SMYD3: variants seen among roughly 807,000 people sequenced by gnomAD.
The protein encoded by SMYD3 is histone-lysine N-methyltransferase SMYD3.
A neutral mutation model predicts 57.7 loss-of-function variants in SMYD3; 36 were observed. That is an observed-to-expected ratio of 0.62 (90% CI 0.48 to 0.82). SMYD3 has a LOEUF of 0.82. SMYD3 is among the 40% of genes least tolerant of loss of function. SMYD3 has a pLI of 0.00. For synonymous variants in SMYD3, 211 were observed against 195.0 expected (o/e 1.08, Z -0.68); for missense variants, 515 against 538.8 (o/e 0.96, Z 0.44).
chr1:246,101,953 T>A (rs559327421), intron 5 of SMYD3, among the ~76,000 whole-genome samples: 1 of 152,222 alleles, frequency 6.6e-6, no homozygotes, highest in African/African-American at 2.4e-5. Flanking sequence ...CCTACGTAAA[T>A]ACCTCCATTA....
At chr1:245,798,429 C>CAGAAAT (rs2047677889) in intron 10 of SMYD3, among the ~76,000 whole-genome samples, 1 of 100,482 alleles carries the variant, frequency 1.0e-5, no homozygotes, top group Non-Finnish European at 1.9e-5. Flanking sequence ...CACACCCCCA[C>CAGAAAT]ACACATACAC....
At chr1:245,815,239 G>A (rs544960625) in intron 10 of SMYD3, among the ~76,000 whole-genome samples, 9 of 152,326 alleles carry the variant, frequency 5.9e-5, no homozygotes, top group African/African-American at 2.2e-4. Flanking sequence ...AACACACACA[G>A]GAAGCAACTG....
At chr1:246,207,389 A>G (rs925805568) in intron 5 of SMYD3, among the ~76,000 whole-genome samples, 1 of 152,080 alleles carries the variant, frequency 6.6e-6, no homozygotes, top group Non-Finnish European at 1.5e-5. Flanking sequence ...TAGTAGGTTA[A>G]TCTTAGTTTG....
At chr1:246,230,923 C>T (rs2063399596) in intron 5 of SMYD3, among the ~76,000 whole-genome samples, 1 of 152,224 alleles carries the variant, frequency 6.6e-6, no homozygotes, top group African/African-American at 2.4e-5. Flanking sequence ...CAGCAAATCA[C>T]AGCAAATCAA....
At chr1:246,213,467 GA>G in intron 5 of SMYD3, among the ~76,000 whole-genome samples, 1 of 152,112 alleles carries the variant, frequency 6.6e-6, no homozygotes, top group African/African-American at 2.4e-5. Context: ...TGAGAAAATG[GA>G]TAGGAGAAAG....
At chr1:246,491,931 T>C (rs2068278631) in intron 1 of SMYD3, among the ~76,000 whole-genome samples, 1 of 152,234 alleles carries the variant, frequency 6.6e-6, no homozygotes, top group Non-Finnish European at 1.5e-5. Flanking sequence ...AACGCAACTC[T>C]GTTCAACTAC....
At chr1:246,315,273 C>T (rs1315638622) in intron 5 of SMYD3, among the ~76,000 whole-genome samples, 1 of 152,140 alleles carries the variant, frequency 6.6e-6, no homozygotes, top group Non-Finnish European at 1.5e-5. Flanking sequence ...AAAGGACAGA[C>T]AACTTAGAAA....
At chr1:246,019,576 AGC>A (rs1375145885) in intron 5 of SMYD3, among the ~76,000 whole-genome samples, 6 of 152,210 alleles carry the variant, frequency 3.9e-5, no homozygotes, top group African/African-American at 1.4e-4. Flanking sequence ...AGATGATCGT[AGC>A]TGTGTTCTTG....
At chr1:246,410,618 T>G (rs528719832) in intron 1 of SMYD3, among the ~76,000 whole-genome samples, 1 of 152,282 alleles carries the variant, frequency 6.6e-6, no homozygotes, top group Non-Finnish European at 1.5e-5. Context: ...TCAAGGATAT[T>G]GGGTAAAATT....
rs577968154 is a variant in SMYD3 at position 246,290,290 on chromosome 1, C to T, written c.531+36911G>A. 9.2e-5 allele frequency among the ~76,000 whole-genome samples: 14 copies of T among 152,260 alleles called. No homozygotes were observed. The South Asian group carries it at 2.5e-3, about 27-fold the overall frequency. ...TAAACTTTTGGCCAATTTCTACTGT[C>T]GCTTGAAATTTTAAAAGCTTCTTTT... is the stretch of plus-strand genomic sequence containing the variant. On this transcript the variant is annotated intron_variant, in intron 5 of 11. Coordinates refer to ENST00000490107, the MANE Select transcript of SMYD3 (RefSeq NM_001167740.2).
chr1:246,085,725 T>C (rs141794843), intron 5 of SMYD3, among the ~76,000 whole-genome samples: 1 of 152,164 alleles, frequency 6.6e-6, no homozygotes, highest in Non-Finnish European at 1.5e-5. Context: ...CATTTCCTTA[T>C]GAAGTCTCCC....
chr1:246,212,202 A>G (rs181081056), intron 5 of SMYD3, among the ~76,000 whole-genome samples: 1 of 152,126 alleles, frequency 6.6e-6, no homozygotes, highest in East Asian at 1.9e-4. Flanking sequence ...AAATATGCAA[A>G]TTTAAAATGC....
At chr1:246,491,178 A>G (rs2068263625) in intron 1 of SMYD3, among the ~76,000 whole-genome samples, 1 of 152,220 alleles carries the variant, frequency 6.6e-6, no homozygotes, top group Non-Finnish European at 1.5e-5. Context: ...CACAGGATAC[A>G]CTGGGAAATA....
intron 5 of SMYD3, among the ~76,000 whole-genome samples, chr1:246,073,743 C>A (rs1193486479): frequency 6.6e-6 from 1 of 152,028 alleles, no homozygotes; most frequent in East Asian, 1.9e-4. Flanking sequence ...TAAAACTAGA[C>A]TTTAGGGATT....
chr1:246,239,568 T>G (rs571602559), intron 5 of SMYD3, among the ~76,000 whole-genome samples: 3 of 152,254 alleles, frequency 2.0e-5, no homozygotes, highest in Non-Finnish European at 4.4e-5. Flanking sequence ...CATGTGTCTT[T>G]ATAGCAGCAT....
intron 1 of SMYD3, among the ~76,000 whole-genome samples, chr1:246,378,016 G>C (rs2148743392): frequency 6.6e-6 from 1 of 152,288 alleles, no homozygotes; most frequent in South Asian, 2.1e-4. Flanking sequence ...CAGGGTTTGA[G>C]CATCTTTTCA....
chr1:246,285,126 TCCCCCAGGTCCCCAA>T (rs1449076385), intron 5 of SMYD3, among the ~76,000 whole-genome samples: 1 of 152,106 alleles, frequency 6.6e-6, no homozygotes, highest in Non-Finnish European at 1.5e-5. Flanking sequence ...CTCCACCCTG[TCCCCCAGGTCCCCAA>T]AGTCCATTGT....
At chr1:246,158,935 C>T (rs1465000922) in intron 5 of SMYD3, among the ~76,000 whole-genome samples, 2 of 151,988 alleles carry the variant, frequency 1.3e-5, no homozygotes, top group Non-Finnish European at 2.9e-5. Flanking sequence ...TTCTACCCAG[C>T]GTGAGATATG....
intron 8 of SMYD3, among the ~76,000 whole-genome samples, chr1:245,910,457 TG>T (rs1237283997): frequency 6.6e-6 from 1 of 152,002 alleles, no homozygotes; most frequent in African/African-American, 2.4e-5. Flanking sequence ...GAAATTCATA[TG>T]GAACAACAAA....
Sources: gnomAD v4.1 joint callset for allele counts (sites outside exome capture counted in the v4.1 genomes callset) on GRCh38, gnomAD v4.1.1 for gene constraint, MANE v1.5 for transcripts, NCBI Gene and HGNC (gene_info 2026-07-23, HGNC 2026-07-21) for gene names.